Variants in YIPF6 observed in about 807,000 individuals in gnomAD.
YIPF6 encodes protein YIPF6.
YIPF6 carries 3 observed loss-of-function variants against 16.8 expected under a neutral mutation model. The ratio of observed to expected loss-of-function variants is 0.18; its 90% confidence interval spans 0.08 to 0.46. YIPF6 has a LOEUF of 0.46. Ranked by LOEUF, YIPF6 falls within the 20% of genes least tolerant of loss-of-function variation. The probability of loss-of-function intolerance (pLI) is 0.98; values close to 1 mark genes in which losing one functional copy is unlikely to be tolerated. For missense variants in YIPF6, 145 were observed against 184.9 expected (o/e 0.78, Z 1.25); for synonymous variants, 67 against 61.9 (o/e 1.08, Z -0.38).
At chrX:68,526,990 A>G (rs896384435) in intron 6 of YIPF6, among the ~76,000 whole-genome samples, 1 of 111,925 alleles carries the variant, frequency 8.9e-6, no homozygotes, top group Non-Finnish European at 1.9e-5. Context: ...TGGCCTCACG[A>G]AATGAGTTAG....
In YIPF6 at chrX:68,537,234, G is replaced by A. The variant is rs1480268586; in HGVS notation, c.*5235G>A. The A allele has an allele frequency of 8.9e-6, 1 of 111,980 alleles. No homozygotes were observed. The highest frequency in any genetic ancestry group is 1.9e-5 in the Non-Finnish European group (1 of 53,266). The allele number at this position is 111,980 out of a possible 1,213,427, so 9.2% of individuals were successfully genotyped here. A position where few individuals can be genotyped will look rare whatever the true frequency, so the allele number is the denominator to read the frequency against. On this transcript the variant is annotated 3_prime_UTR_variant, in exon 7 of 7. Transcript: ENST00000462683. The stretch of plus-strand genomic sequence containing the variant: ...TAAATAATAAATCTGTGAAAAATCT[G>A]TAAAAAGATTTGTGACTATTAAATG...
At chrX:68,506,443 TA>T (rs1388080735) in intron 1 of YIPF6, among the ~76,000 whole-genome samples, 1 of 110,771 alleles carries the variant, frequency 9.0e-6, no homozygotes, top group African/African-American at 3.3e-5. Flanking sequence ...CTCATACCTG[TA>T]ATCCCAGCAC....
Position 68,499,304 on chromosome X carries a change from C to T in YIPF6, c.57+181C>T. 5.5e-6 allele frequency: 3 copies of T among 548,740 alleles called. No homozygotes were observed. The South Asian group carries it at 1.2e-4, about 23-fold the overall frequency. 45.2% of individuals were successfully genotyped at this position (548,740 alleles called of 1,213,427 possible). Reference sequence around the variant, plus strand: ...GTTCTTTGCGCTAACCGCTTTGCCCCCTGCCCTCGTGGTTCCTTCCAGGTC... The same window carrying T: ...GTTCTTTGCGCTAACCGCTTTGCCCTCTGCCCTCGTGGTTCCTTCCAGGTC... On this transcript the variant is annotated intron_variant, in intron 1 of 6. Coordinates refer to ENST00000462683, the MANE Select transcript of YIPF6 (RefSeq NM_173834.4).
chrX:68,528,991 T>G (rs1436242977), intron 6 of YIPF6, among the ~76,000 whole-genome samples: 2 of 111,320 alleles, frequency 1.8e-5, no homozygotes, highest in Non-Finnish European at 3.8e-5. Context: ...CTTTGTGGTG[T>G]TCTCTGTATT....
intron 3 of YIPF6, 32 bp from the exon 4 acceptor site, chrX:68,518,738 T>C: frequency 8.5e-7 from 1 of 1,170,484 alleles, no homozygotes; most frequent in Non-Finnish European, 1.1e-6. Context: ...CAGAAAATAT[T>C]ACCTTCGCTT....
chrX:68,531,771 A>T, intron 6 of YIPF6, 110 bp from the exon 7 acceptor site: 2 of 479,817 alleles, frequency 4.2e-6, no homozygotes, highest in Non-Finnish European at 6.8e-6. Context: ...CTTTTAGTGT[A>T]ATTCTGTGTT....
At chrX:68,523,772 C>CA (rs2147825021) in intron 6 of YIPF6, among the ~76,000 whole-genome samples, 1 of 111,944 alleles carries the variant, frequency 8.9e-6, no homozygotes, top group South Asian at 3.7e-4. Context: ...AGTAATCCAA[C>CA]AAAGGTCTGA....
intron 1 of YIPF6, 71 bp from the exon 2 acceptor site, chrX:68,511,778 G>T: frequency 9.0e-7 from 1 of 1,115,216 alleles, no homozygotes; most frequent in Non-Finnish European, 1.2e-6. Context: ...AACTCTCTAG[G>T]AAATGATGAT....
chrX:68,518,777 G>A lies in YIPF6; in HGVS notation c.273G>A (p.Leu91=). The change falls in exon 4 of 7, where the codon TTG becomes TTA. Residue 91 remains leucine, a synonymous_variant. Transcript: ENST00000462683. Reference sequence around the variant, plus strand: ...TCTTTTCTTGTCTTGTAGGGGATTTGTGGGGCCCTTTGATCCTTTGTGTGA... The same window carrying A: ...TCTTTTCTTGTCTTGTAGGGGATTTATGGGGCCCTTTGATCCTTTGTGTGA... The part of the protein sequence containing the change: ...KSNTLLRDWD[L]WGPLILCVTL... The A allele has an allele frequency of 8.5e-7, 1 of 1,174,894 alleles. No homozygotes were observed.
intron 1 of YIPF6, among the ~76,000 whole-genome samples, chrX:68,503,782 G>A (rs2079049703): frequency 1.8e-5 from 2 of 112,162 alleles, no homozygotes; most frequent in South Asian, 3.7e-4. Context: ...CCCACGTTCC[G>A]CTCAGGTTTA....
rs1434636905 is a variant in YIPF6 at position 68,533,341 on chromosome X, CT to C, written c.*1343del. On this transcript the variant is annotated 3_prime_UTR_variant, in exon 7 of 7. Transcript: ENST00000462683. ...CAGGGCTCCTTTAAGGCAATATGAA[CT>C]GTTGCCTTCTATAAATTGCACATTG... 2.7e-5 allele frequency: 3 copies of C among 111,583 alleles called. No individual in the cohort carries two copies. The highest frequency in any genetic ancestry group is 5.6e-5 in the Non-Finnish European group (3 of 53,147). The allele number at this position is 111,583 out of a possible 1,213,427, so 9.2% of individuals were successfully genotyped here. A position where few individuals can be genotyped will look rare whatever the true frequency, so the allele number is the denominator to read the frequency against.
At chrX:68,529,797 C>T (rs2079163933) in intron 6 of YIPF6, among the ~76,000 whole-genome samples, 1 of 111,816 alleles carries the variant, frequency 8.9e-6, no homozygotes, top group Admixed American at 9.4e-5. Flanking sequence ...TGGGTATCAC[C>T]AGCAGAGGCT....
chrX:68,504,476 G>GTTC (rs1417782799), intron 1 of YIPF6, among the ~76,000 whole-genome samples: 1 of 111,492 alleles, frequency 9.0e-6, no homozygotes. Context: ...TACAAACTAC[G>GTTC]TAAGGGCCTA....
At chrX:68,529,029 C>T (rs1197170157) in intron 6 of YIPF6, among the ~76,000 whole-genome samples, 1 of 111,156 alleles carries the variant, frequency 9.0e-6, no homozygotes, top group African/African-American at 3.3e-5. Context: ...GGCCTGCCTT[C>T]CTAGGTTGGG....
At chrX:68,519,887 G>A (rs372727552) in intron 4 of YIPF6, among the ~76,000 whole-genome samples, 1 of 111,984 alleles carries the variant, frequency 8.9e-6, no homozygotes, top group East Asian at 2.8e-4. Flanking sequence ...TATATTAGAT[G>A]TCCCGAGCAT....
intron 5 of YIPF6, 23 bp downstream of exon 5, chrX:68,521,520 CT>C (rs781663072): frequency 2.8e-5 from 34 of 1,195,389 alleles, no homozygotes; most frequent in Non-Finnish European, 3.6e-5. Flanking sequence ...AAAATGCATT[CT>C]TTTTTTCCTC....
Position 68,518,764 on chromosome X carries a change from T to A in YIPF6, c.266-6T>A, listed in dbSNP as rs758232280. The stretch of plus-strand genomic sequence containing the variant: ...ACCTTCGCTTCTGTCTTTTCTTGTC[T>A]TGTAGGGGATTTGTGGGGCCCTTTG... On this transcript the variant is annotated splice_polypyrimidine_tract_variant and splice_region_variant and intron_variant, in intron 3 of 6. Transcript: ENST00000462683. 8.5e-6 allele frequency: 10 copies of A among 1,175,248 alleles called. No individual in the cohort carries two copies. Among genetic ancestry groups the A allele is most frequent in the Non-Finnish European group, 1.1e-5 (10 of 881,980 alleles).
intron 6 of YIPF6, among the ~76,000 whole-genome samples, chrX:68,525,941 T>C (rs951391788): frequency 8.9e-6 from 1 of 111,884 alleles, no homozygotes; most frequent in African/African-American, 3.3e-5. Context: ...TTTGTTCTTT[T>C]TGTTTAGGAT....
intron 2 of YIPF6, among the ~76,000 whole-genome samples, chrX:68,512,431 G>A (rs1287033989): frequency 9.1e-6 from 1 of 109,723 alleles, no homozygotes. Context: ...TGGCCTGGGC[G>A]ACAGAGCAAG....
Sources: gnomAD v4.1 joint callset for allele counts (sites outside exome capture counted in the v4.1 genomes callset) on GRCh38, gnomAD v4.1.1 for gene constraint, MANE v1.5 for transcripts, NCBI Gene and HGNC (gene_info 2026-07-23, HGNC 2026-07-21) for gene names.